Variants in DNAH5 observed in about 807,000 individuals in gnomAD.
DNAH5 encodes dynein axonemal heavy chain 5, also known as axonemal beta dynein heavy chain 5.
In DNAH5, 372 loss-of-function variants were observed where a neutral mutation model predicts 518.2. The observed-to-expected ratio is 0.72, with a 90% CI of 0.66 to 0.78. The LOEUF (loss-of-function observed/expected upper bound fraction) is 0.78. Ranked by LOEUF, DNAH5 falls within the 30% of genes least tolerant of loss-of-function variation. DNAH5 has a pLI of 0.00. For synonymous variants in DNAH5, 2,039 were observed against 2,025.9 expected, an observed-to-expected ratio of 1.01 and a Z score of -0.17; for missense variants, 5,523 against 5,687.0, an observed-to-expected ratio of 0.97 and a Z score of 0.93.
At chr5:13,804,077 A>G (rs941702905) in intron 47 of DNAH5, among the ~76,000 whole-genome samples, 1 of 152,134 alleles carries the variant, frequency 6.6e-6, no homozygotes, top group African/African-American at 2.4e-5. Flanking sequence ...TCTATGTATG[A>G]ATTACTTTCA....
chr5:13,951,188 G>T (rs13162373), intron 1 of DNAH5, among the ~76,000 whole-genome samples: 26 of 122,638 alleles, frequency 2.1e-4, no homozygotes, highest in South Asian at 7.7e-4. Context: ...TGTCTCTTTT[G>T]TTTTTTTTTT....
At chr5:13,911,268 C>T (rs989455439) in intron 12 of DNAH5, 118 bp downstream of exon 12, 31 of 780,350 alleles carry the variant, frequency 4.0e-5, no homozygotes, top group East Asian at 1.0e-4. Context: ...AGGTTGCTAT[C>T]GGTCACCTCC....
chr5:13,967,672 T>C (rs928071579), intron 1 of DNAH5, among the ~76,000 whole-genome samples: 1 of 152,210 alleles, frequency 6.6e-6, no homozygotes, highest in East Asian at 1.9e-4. Flanking sequence ...GCTCTGGCTG[T>C]ATGGGCTCTT....
At chr5:13,828,732 C>T (rs528620107) in intron 38 of DNAH5, among the ~76,000 whole-genome samples, 119 of 152,312 alleles carry the variant, frequency 7.8e-4, no homozygotes, top group Middle Eastern at 3.4e-3. Context: ...AGCAAGAAAT[C>T]GAAGCCCTCA....
In DNAH5 at chr5:13,714,473, C is replaced by G; in HGVS notation, c.13057G>C (p.Glu4353Gln). ...DTSGGGDETR[E>Q]AVVARLADDM... ...TCAGCCAGCCGGGCCACCACCGCCT[C>G]CCGGGTCTCATCCCCTCCACCAGAG... The change falls in exon 75 of 79, where the codon GAG (glutamate) becomes CAG (glutamine). Residue 4353 changes from glutamate to glutamine, a missense_variant. Physicochemically the swap from Glu to Gln is conservative, Grantham distance 29 (BLOSUM62 2). This residue lies in a region of DNAH5 where 387 missense variants were observed against 430.0 expected (regional missense o/e 0.90). Transcript: ENST00000265104. 1 of 1,614,176 alleles carries G rather than the reference C, an allele frequency of 6.2e-7. No homozygotes were observed.
At chr5:13,914,249 T>C (rs1184337586) in intron 10 of DNAH5, among the ~76,000 whole-genome samples, 1 of 152,086 alleles carries the variant, frequency 6.6e-6, no homozygotes, top group African/African-American at 2.4e-5. Flanking sequence ...TCCATTCATC[T>C]TAAAGATGCT....
At chr5:13,724,071 G>A (rs1459724390) in intron 70 of DNAH5, among the ~76,000 whole-genome samples, 1 of 152,226 alleles carries the variant, frequency 6.6e-6, no homozygotes, top group East Asian at 1.9e-4. Flanking sequence ...TCTGAAACCA[G>A]ATATGCATGC....
rs146886532 is a variant in DNAH5 at position 13,914,633 on chromosome 5, G to T, written c.1207C>A (p.Gln403Lys). 3.1e-6 allele frequency: 5 copies of T among 1,612,698 alleles called. No homozygotes were observed. The African/African-American group carries it at 6.7e-5, about 22-fold the overall frequency. Residue 403 changes from glutamine to lysine, a missense_variant, in exon 10 of 79, where the codon CAG becomes AAG. Gln to Lys is a moderately conservative substitution (Grantham distance 53, BLOSUM62 1). Around this residue, in one of 3 missense-constraint regions of DNAH5, gnomAD observed 5,121 missense variants for 5,223.3 expected, o/e 0.98. Coordinates refer to ENST00000265104, the MANE Select transcript of DNAH5 (RefSeq NM_001369.3). ...ITSLFVKVTNQIISACKAYIT... is the reference protein window; with the variant it reads ...ITSLFVKVTNKIISACKAYIT... Reference sequence around the variant, plus strand: ...TAGGCTTTACATGCAGATATAATCTGATTTGTCACCTGGGATTTTCCAATA... The same window carrying T: ...TAGGCTTTACATGCAGATATAATCTTATTTGTCACCTGGGATTTTCCAATA...
chr5:13,739,358 T>C (rs1049170999), intron 65 of DNAH5, among the ~76,000 whole-genome samples: 24 of 152,284 alleles, frequency 1.6e-4, no homozygotes, highest in African/African-American at 5.8e-4. Context: ...TATCAGCATC[T>C]GGCACTTCCC....
At chr5:13,837,964 C>T (rs2121125) in intron 35 of DNAH5, among the ~76,000 whole-genome samples, 70,998 of 151,570 alleles carry the variant, frequency 0.47, 17,298 homozygotes, top group African/African-American at 0.61. Context: ...CCTCCCAAAG[C>T]GCTGGGATTA....
rs189442339 is a variant in DNAH5 at position 13,819,143 on chromosome 5, G to A, written c.6841+1203C>T. On this transcript the variant is annotated intron_variant, in intron 41 of 78. Coordinates refer to ENST00000265104, the MANE Select transcript of DNAH5 (RefSeq NM_001369.3). ...CATTTAAAGTTTATTGTTAACAGAA[G>A]GCAGCTTCGTCACTGCAACAAAAAT... Among the ~76,000 whole-genome samples, 615 of 152,228 alleles carry A rather than the reference G, an allele frequency of 4.0e-3. 13 individuals are homozygous for A. The highest frequency in any genetic ancestry group is 0.035 in the Admixed American group (540 of 15,278).
chr5:13,737,594 C>T, intron 65 of DNAH5, 99 bp from the exon 66 acceptor site: 1 of 1,219,450 alleles, frequency 8.2e-7, no homozygotes, highest in Non-Finnish European at 1.2e-6. Flanking sequence ...AGCTCCCATA[C>T]TGTATTTATC....
chr5:13,886,226 G>A (rs1187400660), intron 17 of DNAH5, 97 bp from the exon 18 acceptor site: 2 of 1,269,522 alleles, frequency 1.6e-6, no homozygotes, highest in Admixed American at 4.2e-5. Context: ...CTGTGGCTCA[G>A]CCTCCAGGTG....
chr5:13,982,423 A>C (rs1047782951), intron 1 of DNAH5, among the ~76,000 whole-genome samples: 2 of 151,248 alleles, frequency 1.3e-5, no homozygotes, highest in Admixed American at 1.3e-4. Flanking sequence ...TGCATGAGTG[A>C]GTAGACATAT....
At chr5:13,754,984 A>T (rs1314745592) in intron 61 of DNAH5, among the ~76,000 whole-genome samples, 1 of 152,048 alleles carries the variant, frequency 6.6e-6, no homozygotes, top group African/African-American at 2.4e-5. Context: ...TCTGCTAAAA[A>T]TACAAAAATT....
At chr5:13,821,381 A>G (rs947489029) in intron 40 of DNAH5, among the ~76,000 whole-genome samples, 1 of 151,390 alleles carries the variant, frequency 6.6e-6, no homozygotes, top group African/African-American at 2.4e-5. Context: ...CAGAGTTTCT[A>G]TCTATCAAGG....
Position 13,900,205 on chromosome 5 carries a change from C to T in DNAH5, c.2259+1G>A, listed in dbSNP as rs1341751250. 1 of 1,611,442 alleles carries T rather than the reference C, an allele frequency of 6.2e-7. No individual in the cohort carries two copies. Among genetic ancestry groups the T allele is most frequent in the Admixed American group, 1.7e-5 (1 of 60,004 alleles). ...GGGGGGAAAAAATAAAAGTAGTATA[C>T]CTTCATGTTACTGAAGTTCCTTTTG... On this transcript the variant is annotated splice_donor_variant, in intron 15 of 78. Coordinates refer to ENST00000265104, the MANE Select transcript of DNAH5 (RefSeq NM_001369.3). LOFTEE classifies it high-confidence loss of function.
intron 65 of DNAH5, among the ~76,000 whole-genome samples, chr5:13,743,421 G>C (rs1002572889): frequency 6.6e-6 from 1 of 152,022 alleles, no homozygotes; most frequent in Non-Finnish European, 1.5e-5. Flanking sequence ...TCTGGGAAAA[G>C]ATTCTATGAA....
intron 24 of DNAH5, among the ~76,000 whole-genome samples, chr5:13,869,111 G>A (rs149830469): frequency 1.3e-5 from 2 of 152,240 alleles, no homozygotes; most frequent in South Asian, 2.1e-4. Context: ...TCAACCCAAG[G>A]AGAGCAGGTT....
Sources: allele counts gnomAD v4.1 joint callset (sites outside exome capture counted in the v4.1 genomes callset), GRCh38; gene constraint gnomAD v4.1.1; regional missense constraint gnomAD v4.1.1; transcripts MANE v1.5; gene names NCBI Gene and HGNC (gene_info 2026-07-23, HGNC 2026-07-21).